Variants in DLC1 observed in about 807,000 individuals in gnomAD.
DLC1 encodes the protein rho GTPase-activating protein 7.
In DLC1, 54 loss-of-function variants were observed where a neutral mutation model predicts 140.3. The observed-to-expected ratio is 0.38, with a 90% CI of 0.31 to 0.48. The LOEUF (loss-of-function observed/expected upper bound fraction) is 0.48, where lower values mean the gene tolerates loss of function less well. Among genes scored for constraint, DLC1 ranks in the 20% least tolerant of loss-of-function variants. DLC1 has a pLI of 0.96. For synonymous variants in DLC1, 986 were observed against 728.1 expected (o/e 1.35, Z -5.70); for missense variants, 2,536 against 1,907.0 (o/e 1.33, Z -6.14).
At chr8:13,157,738 T>A (rs1466093296) in intron 5 of DLC1, among the ~76,000 whole-genome samples, 3 of 152,238 alleles carry the variant, frequency 2.0e-5, no homozygotes, top group African/African-American at 7.2e-5. Flanking sequence ...TGAATGTAAA[T>A]CCTTGGAGAT....
At chr8:13,482,572 G>T (rs773335648) in intron 2 of DLC1, among the ~76,000 whole-genome samples, 59 of 152,048 alleles carry the variant, frequency 3.9e-4, no homozygotes, top group Non-Finnish European at 6.3e-4. Context: ...GCAAAATAAG[G>T]TACATTTAAT....
chr8:13,121,875 G>A (rs1470079662), intron 5 of DLC1, among the ~76,000 whole-genome samples: 1 of 152,124 alleles, frequency 6.6e-6, no homozygotes, highest in South Asian at 2.1e-4. Context: ...TAAAAACACC[G>A]ACCATCCCCT....
At chr8:13,455,688 T>C (rs548545987) in intron 2 of DLC1, among the ~76,000 whole-genome samples, 2 of 152,310 alleles carry the variant, frequency 1.3e-5, no homozygotes, top group South Asian at 2.1e-4. Context: ...TTTCACTTAA[T>C]AGTTGTCATT....
intron 5 of DLC1, among the ~76,000 whole-genome samples, chr8:13,269,701 CAAAAAAAAAAAA>C (rs57030004): frequency 3.0e-5 from 3 of 99,474 alleles, no homozygotes; most frequent in African/African-American, 4.1e-5. Flanking sequence ...AAAACTCTGT[CAAAAAAAAAAAA>C]AAAAAAAAAA....
chr8:13,242,406 T>C (rs1206738406), intron 5 of DLC1, among the ~76,000 whole-genome samples: 1 of 149,652 alleles, frequency 6.7e-6, no homozygotes, highest in Non-Finnish European at 1.5e-5. Flanking sequence ...TTTTTTTTTT[T>C]CTCCTTGGAG....
In DLC1 at chr8:13,100,710, C is replaced by A. The variant is rs376426804; in HGVS notation, c.1627G>T (p.Asp543Tyr). 12 of 1,608,082 alleles carry A rather than the reference C, an allele frequency of 7.5e-6. No homozygotes were observed. The highest frequency in any genetic ancestry group is 1.0e-5 in the Non-Finnish European group (12 of 1,177,596). ...AISGKWTFQR[D>Y]SKRWSRLEEF... The stretch of plus-strand genomic sequence containing the variant: ...TCAAGCCGGGACCACCTCTTGCTGT[C>A]CCTTTGGAAAGTCCATTTGCCACTG... Residue 543 changes from aspartate to tyrosine, a missense_variant, in exon 9 of 18, where the codon GAC becomes TAC. Asp to Tyr is a radical substitution (Grantham distance 160, BLOSUM62 -3). Transcript: ENST00000276297.
intron 4 of DLC1, among the ~76,000 whole-genome samples, chr8:13,383,005 T>A (rs998510260): frequency 6.6e-6 from 1 of 152,182 alleles, no homozygotes; most frequent in Non-Finnish European, 1.5e-5. Context: ...GAAACACCTA[T>A]AGCTTGGCTC....
At chr8:13,540,875 C>A (rs1195230182) in intron 1 of DLC1, among the ~76,000 whole-genome samples, 1 of 152,196 alleles carries the variant, frequency 6.6e-6, no homozygotes, top group African/African-American at 2.4e-5. Flanking sequence ...ATTGTCCTCT[C>A]AAGACTCTAG....
intron 1 of DLC1, among the ~76,000 whole-genome samples, chr8:13,526,836 G>A (rs1274501128): frequency 6.6e-6 from 1 of 152,074 alleles, no homozygotes; most frequent in Non-Finnish European, 1.5e-5. Flanking sequence ...ACGAGTTAAC[G>A]GGTGCAGCAC....
intron 5 of DLC1, among the ~76,000 whole-genome samples, chr8:13,262,382 ACT>A (rs1408951773): frequency 6.6e-6 from 1 of 151,862 alleles, no homozygotes; most frequent in Non-Finnish European, 1.5e-5. Context: ...CCTAAGGAAA[ACT>A]CTCAATTTTT....
intron 2 of DLC1, among the ~76,000 whole-genome samples, chr8:13,418,035 T>C (rs1838153216): frequency 6.6e-6 from 1 of 152,258 alleles, no homozygotes; most frequent in Non-Finnish European, 1.5e-5. Context: ...TCTGTTCATA[T>C]CGTTTGCCTA....
At position 13,499,550 on chromosome 8, in the gene DLC1, C is replaced by T. The variant is rs147848228; in HGVS notation, c.522G>A (p.Leu174=). ...WGIAGETELA[L]VKESGERKVT... Reference sequence around the variant, plus strand: ...CTTTTCTCTCCCCACTTTCTTTTACCAGTGCTAATTCAGTTTCACCAGCTA... The same window carrying T: ...CTTTTCTCTCCCCACTTTCTTTTACTAGTGCTAATTCAGTTTCACCAGCTA... Residue 174 remains leucine, a synonymous_variant, in exon 2 of 18, where the codon CTG becomes CTA. Transcript: ENST00000276297. The T allele has an allele frequency of 1.2e-6, 2 of 1,614,108 alleles. No individual in the cohort carries two copies. The highest frequency in any genetic ancestry group is 1.3e-5 in the African/African-American group (1 of 75,010).
At position 13,499,760 on chromosome 8, in the gene DLC1, T is replaced by C. The variant is rs772580266; in HGVS notation, c.312A>G (p.Thr104=). 4.3e-5 allele frequency: 70 copies of C among 1,614,004 alleles called. No individual in the cohort carries two copies. In the Admixed American group the frequency reaches 1.1e-3, roughly 25 times the overall value. ...CATCAGAAACATGCACTAGTGTTTC[T>C]GTGCTGGCTTCCAGAGAAAGAAACT... is the stretch of plus-strand genomic sequence containing the variant. ...EDQFLSLEAS[T]ETLVHVSDED... The change falls in exon 2 of 18, where the codon ACA becomes ACG. Residue 104 remains threonine (T), a synonymous_variant. Transcript: ENST00000276297.
intron 5 of DLC1, among the ~76,000 whole-genome samples, chr8:13,223,015 A>G (rs1828630497): frequency 6.6e-6 from 1 of 152,120 alleles, no homozygotes; most frequent in Non-Finnish European, 1.5e-5. Flanking sequence ...AGCCTCCCAA[A>G]GTGTTGGGAT....
chr8:13,244,018 C>G (rs1380925283), intron 5 of DLC1, among the ~76,000 whole-genome samples: 4 of 152,216 alleles, frequency 2.6e-5, no homozygotes, highest in African/African-American at 4.8e-5. Flanking sequence ...GGGGGAACCA[C>G]CATTCCTTCA....
At chr8:13,269,515 A>G (rs1407863560) in intron 5 of DLC1, among the ~76,000 whole-genome samples, 11 of 151,764 alleles carry the variant, frequency 7.2e-5, no homozygotes, top group Admixed American at 6.6e-5. Context: ...CAGCAGTTTG[A>G]GACCACCCTG....
At chr8:13,091,193 G>A (rs1585578268) in intron 14 of DLC1, 125 bp downstream of exon 14, 1 of 725,664 alleles carries the variant, frequency 1.4e-6, no homozygotes, top group East Asian at 2.7e-5. Context: ...ACATTCTCAG[G>A]CTATTTATAC....
At chr8:13,372,025 C>T (rs1835753975) in intron 4 of DLC1, among the ~76,000 whole-genome samples, 1 of 152,078 alleles carries the variant, frequency 6.6e-6, no homozygotes, top group Non-Finnish European at 1.5e-5. Flanking sequence ...ATGCATTCAC[C>T]AAACACATTA....
intron 2 of DLC1, among the ~76,000 whole-genome samples, chr8:13,491,930 C>G (rs957528614): frequency 5.3e-5 from 8 of 152,208 alleles, no homozygotes; most frequent in Admixed American, 5.2e-4. Flanking sequence ...GTTCTAAGCA[C>G]TGCGGACACA....
Sources: allele counts gnomAD v4.1 joint callset (sites outside exome capture counted in the v4.1 genomes callset), GRCh38; gene constraint gnomAD v4.1.1; transcripts MANE v1.5; gene names NCBI Gene and HGNC (gene_info 2026-07-23, HGNC 2026-07-21).